RBFOX1: variants seen among roughly 807,000 people sequenced by gnomAD.
RBFOX1 encodes the protein RNA binding fox-1 homolog 1, also known as RNA binding protein fox-1 homolog 1.
In RBFOX1, 8 loss-of-function variants were observed where a neutral mutation model predicts 57.7. The ratio of observed to expected loss-of-function variants is 0.14; its 90% confidence interval spans 0.08 to 0.25. The LOEUF is 0.25. Ranked by LOEUF, RBFOX1 falls within the 10% of genes least tolerant of loss-of-function variation. RBFOX1 has a pLI of 1.00. For missense variants in RBFOX1, 611 were observed against 548.5 expected (o/e 1.11, Z -1.14); for synonymous variants, 326 against 222.4 (o/e 1.47, Z -4.15).
chr16:5,410,690 A>G (rs775973318), intron 1 of RBFOX1, among the ~76,000 whole-genome samples: 1 of 152,206 alleles, frequency 6.6e-6, no homozygotes, highest in Admixed American at 6.5e-5. Flanking sequence ...CAAAATCTAT[A>G]TATGGACTTT....
At chr16:5,433,954 G>A (rs929227059) in intron 1 of RBFOX1, among the ~76,000 whole-genome samples, 2 of 152,070 alleles carry the variant, frequency 1.3e-5, no homozygotes, top group Non-Finnish European at 2.9e-5. Flanking sequence ...CAGGCTGCAT[G>A]TTCGAATCAC....
chr16:7,350,589 T>G (rs886432429), intron 4 of RBFOX1, among the ~76,000 whole-genome samples: 5 of 152,156 alleles, frequency 3.3e-5, no homozygotes, highest in African/African-American at 4.8e-5. Context: ...TAATCTTTAG[T>G]GGGACAAGAT....
At chr16:5,681,939 T>C (rs1354560988) in intron 3 of RBFOX1, among the ~76,000 whole-genome samples, 1 of 152,058 alleles carries the variant, frequency 6.6e-6, no homozygotes, top group Non-Finnish European at 1.5e-5. Flanking sequence ...TTGTAAGCAG[T>C]CTGACTATTT....
chr16:5,968,142 T>A (rs976058401), intron 4 of RBFOX1, among the ~76,000 whole-genome samples: 1 of 152,174 alleles, frequency 6.6e-6, no homozygotes, highest in African/African-American at 2.4e-5. Flanking sequence ...CGGTGCAATC[T>A]TGGCTCACTG....
At chr16:7,625,329 G>A (rs1014505796) in intron 10 of RBFOX1, among the ~76,000 whole-genome samples, 2 of 151,916 alleles carry the variant, frequency 1.3e-5, no homozygotes, top group African/African-American at 2.4e-5. Flanking sequence ...CCAGCCCTTC[G>A]AGCAGTCTTT....
intron 1 of RBFOX1, among the ~76,000 whole-genome samples, chr16:6,175,271 C>G (rs1030628571): frequency 6.6e-6 from 1 of 152,094 alleles, no homozygotes; most frequent in Non-Finnish European, 1.5e-5. Flanking sequence ...AAACATTTTC[C>G]GTAATACGTC....
intron 13 of RBFOX1, chr16:7,671,489 G>T: frequency 7.1e-7 from 1 of 1,413,760 alleles, no homozygotes; most frequent in South Asian, 1.2e-5. Flanking sequence ...GAATTTGTCT[G>T]ACTTATGCAT....
chr16:7,676,883 C>T (rs1273081205), intron 14 of RBFOX1, 45 bp downstream of exon 14: 1 of 1,533,972 alleles, frequency 6.5e-7, no homozygotes, highest in Non-Finnish European at 9.0e-7. Flanking sequence ...TGTAAATTAA[C>T]TTAGTTGATG....
intron 3 of RBFOX1, among the ~76,000 whole-genome samples, chr16:6,745,959 A>G (rs1024949851): frequency 2.0e-5 from 3 of 152,236 alleles, no homozygotes; most frequent in African/African-American, 4.8e-5. Context: ...AATATATGTA[A>G]TTCAATTATA....
At chr16:6,957,078 A>T (rs891228986) in intron 3 of RBFOX1, among the ~76,000 whole-genome samples, 3 of 140,138 alleles carry the variant, frequency 2.1e-5, no homozygotes, top group Non-Finnish European at 4.5e-5. Flanking sequence ...CTGGTTGCCC[A>T]TGTTTTTTGG....
At chr16:6,304,340 T>G (rs192176101) in intron 1 of RBFOX1, among the ~76,000 whole-genome samples, 1 of 152,202 alleles carries the variant, frequency 6.6e-6, no homozygotes, top group East Asian at 2.0e-4. Context: ...CCCAATGATG[T>G]GTTTTTTTAT....
intron 4 of RBFOX1, among the ~76,000 whole-genome samples, chr16:7,374,708 A>T (rs747878357): frequency 2.6e-5 from 4 of 152,220 alleles, no homozygotes; most frequent in Admixed American, 2.6e-4. Context: ...TTTGTCTTCA[A>T]CACGTACTCG....
chr16:7,283,844 A>G (rs542583403), intron 4 of RBFOX1, among the ~76,000 whole-genome samples: 4 of 152,320 alleles, frequency 2.6e-5, no homozygotes, highest in Admixed American at 2.0e-4. Flanking sequence ...CAGTTCTTCA[A>G]GTTTCAATAA....
intron 3 of RBFOX1, among the ~76,000 whole-genome samples, chr16:5,660,945 G>C (rs1457613332): frequency 6.6e-6 from 1 of 152,176 alleles, no homozygotes; most frequent in Non-Finnish European, 1.5e-5. Flanking sequence ...GCTGATGTTA[G>C]AGGTCCCAGA....
intron 2 of RBFOX1, among the ~76,000 whole-genome samples, chr16:6,353,043 G>A (rs888998745): frequency 1.7e-4 from 26 of 152,218 alleles, no homozygotes; most frequent in East Asian, 5.8e-4. Flanking sequence ...CTGCTTTCTC[G>A]GAGAAACTGC....
At chr16:5,536,731 A>G (rs905056913) in intron 2 of RBFOX1, among the ~76,000 whole-genome samples, 8 of 152,070 alleles carry the variant, frequency 5.3e-5, no homozygotes, top group Non-Finnish European at 1.0e-4. Flanking sequence ...AAATGGGTCA[A>G]CAGGGAGCAG....
intron 4 of RBFOX1, among the ~76,000 whole-genome samples, chr16:5,937,465 C>T (rs7185806): frequency 0.34 from 51,849 of 151,468 alleles, 8,997 homozygotes; most frequent in Middle Eastern, 0.56. Flanking sequence ...AAAGAAAAGC[C>T]CCTGGAATAA....
chr16:6,652,463 A>T (rs978498156), intron 2 of RBFOX1, among the ~76,000 whole-genome samples: 2 of 151,884 alleles, frequency 1.3e-5, no homozygotes, highest in Non-Finnish European at 2.9e-5. Flanking sequence ...GAAAAAAAAA[A>T]GCCATGGGTC....
chr16:6,236,749 C>A (rs1379588788), intron 1 of RBFOX1, among the ~76,000 whole-genome samples: 1 of 152,144 alleles, frequency 6.6e-6, no homozygotes, highest in Non-Finnish European at 1.5e-5. Context: ...CCACGTCTGG[C>A]CTTATTATGA....
Sources: allele counts gnomAD v4.1 joint callset (sites outside exome capture counted in the v4.1 genomes callset), GRCh38; gene constraint gnomAD v4.1.1; transcripts MANE v1.5; gene names NCBI Gene and HGNC (gene_info 2026-07-23, HGNC 2026-07-21).